MCTP1: variants seen among roughly 807,000 people sequenced by gnomAD.
The protein encoded by MCTP1 is multiple C2 and transmembrane domain-containing protein 1.
In MCTP1, 69 loss-of-function variants were observed where a neutral mutation model predicts 120.6. The observed-to-expected ratio is 0.57, with a 90% CI of 0.47 to 0.70. The LOEUF (loss-of-function observed/expected upper bound fraction) is 0.70, where lower values mean the gene tolerates loss of function less well. Among genes scored for constraint, MCTP1 ranks in the 30% least tolerant of loss-of-function variants. MCTP1 has a pLI of 0.00. For synonymous variants in MCTP1, 529 were observed against 493.1 expected (o/e 1.07, Z -0.96); for missense variants, 1,203 against 1,248.8 (o/e 0.96, Z 0.55).
chr5:94,785,349 G>A (rs1777448392), intron 18 of MCTP1, among the ~76,000 whole-genome samples: 1 of 152,024 alleles, frequency 6.6e-6, no homozygotes, highest in African/African-American at 2.4e-5. Flanking sequence ...TTCACTTGCA[G>A]GAAAATTCTA....
chr5:95,076,406 T>G (rs1456629755), intron 1 of MCTP1, among the ~76,000 whole-genome samples: 1 of 151,788 alleles, frequency 6.6e-6, no homozygotes, highest in Admixed American at 6.6e-5. Flanking sequence ...AAGTAATTGT[T>G]TCAGAATTGA....
At chr5:95,163,669 C>G (rs1745999766) in intron 1 of MCTP1, among the ~76,000 whole-genome samples, 1 of 152,250 alleles carries the variant, frequency 6.6e-6, no homozygotes, top group African/African-American at 2.4e-5. Context: ...GGAGGTTCTA[C>G]TTTTTTCTTC....
rs1039271397 is a variant in MCTP1, at chr5:94,867,134, T to A, written c.2436+1199A>T. 1.1e-5 allele frequency: 12 copies of A among 1,054,968 alleles called. No homozygotes were observed. In the Admixed American group the frequency reaches 3.4e-4, roughly 30 times the overall value. 65.4% of individuals were successfully genotyped at this position (1,054,968 alleles called of 1,614,324 possible). ...CCTCCTGGCTAGGGAAAAATCAGAA[T>A]AAAGTTTGCTTAATAGTACCACCAT... On this transcript the variant is annotated intron_variant, in intron 17 of 22. Coordinates refer to ENST00000515393, the MANE Select transcript of MCTP1 (RefSeq NM_024717.7).
At chr5:94,940,653 C>T (rs1317517817) in intron 4 of MCTP1, among the ~76,000 whole-genome samples, 1 of 145,008 alleles carries the variant, frequency 6.9e-6, no homozygotes, top group Non-Finnish European at 1.5e-5. Flanking sequence ...CACACATATA[C>T]ACTAAATACA....
In MCTP1 at chr5:94,706,022, A is replaced by ATACTT. The variant is rs976212264; in HGVS notation, c.*1469_*1473dup. On this transcript the variant is annotated 3_prime_UTR_variant, in exon 23 of 23. Coordinates refer to ENST00000515393, the MANE Select transcript of MCTP1 (RefSeq NM_024717.7). ...TTAACAACTTATCTCTAAAATAAAA[A>ATACTT]TACTTTAAAAATCAGCTTCAATGAG... The ATACTT allele has an allele frequency of 2.6e-5, 4 of 151,494 alleles. No individual in the cohort carries two copies. The highest frequency in any genetic ancestry group is 4.1e-4 in the South Asian group (2 of 4,822). The allele number at this position is 151,494 out of a possible 1,614,324, so 9.4% of individuals were successfully genotyped here.
At chr5:94,765,751 A>T (rs191882842) in intron 19 of MCTP1, among the ~76,000 whole-genome samples, 6 of 151,824 alleles carry the variant, frequency 4.0e-5, no homozygotes, top group Admixed American at 3.9e-4. Context: ...AGACTAAAAA[A>T]TTACAAAGGA....
At chr5:95,167,447 T>C (rs540031143) in intron 1 of MCTP1, among the ~76,000 whole-genome samples, 5 of 152,322 alleles carry the variant, frequency 3.3e-5, no homozygotes, top group African/African-American at 1.2e-4. Flanking sequence ...CTGGGTCAAA[T>C]GGTATTTCTA....
At chr5:95,146,683 T>G (rs1305767658) in intron 1 of MCTP1, among the ~76,000 whole-genome samples, 1 of 152,208 alleles carries the variant, frequency 6.6e-6, no homozygotes, top group Non-Finnish European at 1.5e-5. Flanking sequence ...TTCCATGTTT[T>G]TGCTAGTTTT....
At chr5:94,818,812 C>T (rs1192152633) in intron 17 of MCTP1, among the ~76,000 whole-genome samples, 8 of 152,116 alleles carry the variant, frequency 5.3e-5, no homozygotes, top group Non-Finnish European at 7.4e-5. Flanking sequence ...GATGGTCAGA[C>T]GGAATGACTG....
chr5:94,729,554 T>C (rs1022290137), intron 19 of MCTP1, among the ~76,000 whole-genome samples: 1 of 152,168 alleles, frequency 6.6e-6, no homozygotes, highest in African/African-American at 2.4e-5. Context: ...GTATCTCCCA[T>C]TGGCCAAATC....
At chr5:95,072,081 C>CTGTGTGTGTGTGTGTGTGTGTGTGTGTG (rs56135843) in intron 1 of MCTP1, among the ~76,000 whole-genome samples, 8 of 143,884 alleles carry the variant, frequency 5.6e-5, no homozygotes, top group African/African-American at 2.1e-4. Context: ...GCCAATTTTC[C>CTGTGTGTGTGTGTGTGTGTGTGTGTGTG]TGTGTGTGTG....
At chr5:94,709,298 C>T (rs1206615443) in intron 21 of MCTP1, 2 of 152,036 alleles carry the variant, frequency 1.3e-5, no homozygotes, top group Non-Finnish European at 2.9e-5. Flanking sequence ...AAATTTCTGG[C>T]TAATATTTCA....
intron 1 of MCTP1, among the ~76,000 whole-genome samples, chr5:95,171,894 CCTT>C (rs930030901): frequency 1.8e-4 from 27 of 152,218 alleles, no homozygotes; most frequent in African/African-American, 6.0e-4. Context: ...TCGTCTGAAG[CCTT>C]CTTCTCTCAA....
intron 3 of MCTP1, among the ~76,000 whole-genome samples, chr5:94,945,290 G>GAAC (rs1288704894): frequency 1.3e-5 from 2 of 152,106 alleles, no homozygotes; most frequent in Non-Finnish European, 2.9e-5. Context: ...AGTGACTTTA[G>GAAC]AACAAGAAAT....
chr5:95,025,143 C>A (rs1246390877), intron 1 of MCTP1, among the ~76,000 whole-genome samples: 3 of 152,124 alleles, frequency 2.0e-5, no homozygotes, highest in Admixed American at 1.3e-4. Flanking sequence ...AAGCTAGAGG[C>A]ATCACACTAT....
chr5:94,843,616 T>C (rs1791623378), intron 17 of MCTP1, among the ~76,000 whole-genome samples: 1 of 152,184 alleles, frequency 6.6e-6, no homozygotes, highest in African/African-American at 2.4e-5. Flanking sequence ...AACAATGAAT[T>C]GTTAACAATG....
rs183625369 is a variant in MCTP1, at chr5:94,907,587, A to G, written c.1652+1664T>C. On this transcript the variant is annotated intron_variant, in intron 10 of 22. Coordinates refer to ENST00000515393, the MANE Select transcript of MCTP1 (RefSeq NM_024717.7). Reference sequence around the variant, plus strand: ...TCTCAAAAATTAGCCAAAATATGAAAACCCTTTAGAAACAAAGTGAAGTGA... The same window carrying G: ...TCTCAAAAATTAGCCAAAATATGAAGACCCTTTAGAAACAAAGTGAAGTGA... 5.2e-3 allele frequency among the ~76,000 whole-genome samples: 794 copies of G among 152,272 alleles called. 6 individuals are homozygous for G. Among genetic ancestry groups the G allele is most frequent in the Middle Eastern group, 0.031 (9 of 294 alleles).
chr5:94,807,700 T>C (rs1212814265), intron 17 of MCTP1, among the ~76,000 whole-genome samples: 1 of 116,156 alleles, frequency 8.6e-6, no homozygotes, highest in East Asian at 2.5e-4. Flanking sequence ...TCACAATGAC[T>C]AGGATGGGAG....
At chr5:95,013,426 AGAG>A (rs1414235958) in intron 2 of MCTP1, among the ~76,000 whole-genome samples, 6 of 152,168 alleles carry the variant, frequency 3.9e-5, no homozygotes, top group Admixed American at 2.0e-4. Flanking sequence ...TCATAGCTAA[AGAG>A]GAGAAGTCAA....
Sources: allele counts gnomAD v4.1 joint callset (sites outside exome capture counted in the v4.1 genomes callset), GRCh38; gene constraint gnomAD v4.1.1; transcripts MANE v1.5; gene names NCBI Gene and HGNC (gene_info 2026-07-23, HGNC 2026-07-21).